The following DAG1 variants were observed in gnomAD, a reference collection of about 807,000 sequenced individuals.
DAG1 encodes dystroglycan 1.
Under a neutral mutation model 46.1 loss-of-function variants are expected in DAG1, and 8 were observed. That is an observed-to-expected ratio of 0.17 (90% CI 0.10 to 0.31). The LOEUF (loss-of-function observed/expected upper bound fraction) is 0.31. Among genes scored for constraint, DAG1 ranks in the 10% least tolerant of loss-of-function variants. The pLI is 1.00. For missense variants in DAG1, 1,003 were observed against 1,189.9 expected (o/e 0.84, Z 2.31); for synonymous variants, 495 against 481.8 (o/e 1.03, Z -0.36).
chr3:49,522,143 C>G (rs1349549880), intron 2 of DAG1, among the ~76,000 whole-genome samples: 1 of 152,164 alleles, frequency 6.6e-6, no homozygotes, highest in Non-Finnish European at 1.5e-5. Flanking sequence ...AATTCTCCTG[C>G]CTCAGCCTCC....
chr3:49,500,474 TGG>T lies in DAG1; in HGVS notation c.-116-9942_-116-9941del, dbSNP rs568982389. Among the ~76,000 whole-genome samples the T allele has an allele frequency of 4.3e-3, 656 of 152,280 alleles. 7 individuals carry two copies. The highest frequency in any genetic ancestry group is 0.015 in the African/African-American group (625 of 41,560). ...TTTATCTGCAGTGAGTCTCAGGGTC[TGG>T]GGTCTGGGGCAGTGCTGAGAGCTTA... On this transcript the variant is annotated intron_variant, in intron 1 of 2. Transcript: ENST00000308775.
At chr3:49,509,431 C>T (rs78407378) in intron 1 of DAG1, among the ~76,000 whole-genome samples, 3,025 of 152,282 alleles carry the variant, frequency 0.02, 54 homozygotes, top group Middle Eastern at 0.058. Flanking sequence ...TCCCCTACCC[C>T]TAGAAAGATA....
Position 49,516,852 on chromosome 3 carries a change from G to A in DAG1, c.285+6033G>A, listed in dbSNP as rs139634878. ...TGCTAGGTGAGTTCATTGCCACTGG[G>A]ATTTCCTTGCTTCTTTGAGCCGTTC... On this transcript the variant is annotated intron_variant, in intron 2 of 2. Coordinates refer to ENST00000308775, the MANE Select transcript of DAG1 (RefSeq NM_004393.6). Among the ~76,000 whole-genome samples the A allele has an allele frequency of 6.9e-3, 1,055 of 152,188 alleles. 4 individuals carry two copies. Among genetic ancestry groups the A allele is most frequent in the Middle Eastern group, 0.034 (10 of 294 alleles).
rs1015740531 is a variant in DAG1, at chr3:49,535,087, G to T, written c.*1888G>T. ...CCCAGGGGGTACTCTGGAGTGAGCA[G>T]TGCCCCTGTGGGGGAGCCTGTAAAT... On this transcript the variant is annotated 3_prime_UTR_variant, in exon 3 of 3. Coordinates refer to ENST00000308775, the MANE Select transcript of DAG1 (RefSeq NM_004393.6). The T allele has an allele frequency of 2.6e-5, 4 of 152,216 alleles. No individual in the cohort carries two copies. The highest frequency in any genetic ancestry group is 7.2e-5 in the African/African-American group (3 of 41,450). 9.4% of individuals were successfully genotyped at this position (152,216 alleles called of 1,614,324 possible).
At chr3:49,478,376 C>T (rs1476073192) in intron 1 of DAG1, among the ~76,000 whole-genome samples, 1 of 133,018 alleles carries the variant, frequency 7.5e-6, no homozygotes. Context: ...GGGAGGATTA[C>T]TTGAAGCCAG....
At position 49,518,110 on chromosome 3, in the gene DAG1, G is replaced by A. The variant is rs1186085997; in HGVS notation, c.285+7291G>A. Among the ~76,000 whole-genome samples the A allele has an allele frequency of 2.0e-5, 3 of 152,302 alleles. No individual in the cohort carries two copies. In the East Asian group the frequency reaches 5.8e-4, roughly 29 times the overall value. On this transcript the variant is annotated intron_variant, in intron 2 of 2. Transcript: ENST00000308775. Reference sequence around the variant, plus strand: ...ACTGAGGTAGGAGGTACTGAGCCTGGCCTGCTTCCTCCTAAGCCCCATGTG... The same window carrying A: ...ACTGAGGTAGGAGGTACTGAGCCTGACCTGCTTCCTCCTAAGCCCCATGTG...
intron 1 of DAG1, chr3:49,492,707 C>G (rs2050220278): frequency 6.6e-6 from 1 of 152,008 alleles, no homozygotes; most frequent in African/African-American, 2.4e-5. Flanking sequence ...CAAAAGGGTG[C>G]TGTTATAATT....
intron 1 of DAG1, chr3:49,476,842 C>G (rs1273105468): frequency 6.6e-6 from 1 of 152,070 alleles, no homozygotes; most frequent in Non-Finnish European, 1.5e-5. Context: ...TCCTCCTTTT[C>G]CTGCAGGGCC....
intron 1 of DAG1, among the ~76,000 whole-genome samples, chr3:49,473,288 G>C (rs1235335549): frequency 3.3e-5 from 5 of 151,152 alleles, no homozygotes; most frequent in Admixed American, 1.3e-4. Flanking sequence ...GGTGGCGGGC[G>C]CCTGTAGTCC....
At position 49,531,071 on chromosome 3, in the gene DAG1, C is replaced by G; in HGVS notation, c.560C>G (p.Pro187Arg). Residue 187 changes from proline to arginine, a missense_variant, in exon 3 of 3, where the codon CCT (proline) becomes CGT (arginine). By Grantham distance (103) the Pro-to-Arg change is moderately radical. Coordinates refer to ENST00000308775, the MANE Select transcript of DAG1 (RefSeq NM_004393.6). The surrounding 1 kb of genome is among the most constrained non-coding windows in gnomAD (Gnocchi z 7.0). ...TCATCTGCCTGTGCTGCGGATGAAC[C>G]TGTGACTGTTTTGACGGTGATTTTG... ...VVSSACAADE[P>R]VTVLTVILDA... 1 of 1,614,196 alleles carries G rather than the reference C, an allele frequency of 6.2e-7. No individual in the cohort carries two copies. Among genetic ancestry groups the G allele is most frequent in the Non-Finnish European group, 8.5e-7 (1 of 1,180,014 alleles).
intron 1 of DAG1, among the ~76,000 whole-genome samples, chr3:49,506,093 C>T (rs1306264184): frequency 6.6e-6 from 1 of 151,674 alleles, no homozygotes; most frequent in Non-Finnish European, 1.5e-5. Context: ...GATTCTCCTG[C>T]CTCAGCCTCC....
At chr3:49,515,089 C>T (rs1346124810) in intron 2 of DAG1, among the ~76,000 whole-genome samples, 3 of 152,128 alleles carry the variant, frequency 2.0e-5, no homozygotes, top group Non-Finnish European at 4.4e-5. Flanking sequence ...CCACCTTGGC[C>T]TCCCAAAGTG....
intron 1 of DAG1, among the ~76,000 whole-genome samples, chr3:49,497,049 C>T (rs2050332183): frequency 6.6e-6 from 1 of 151,810 alleles, no homozygotes; most frequent in Non-Finnish European, 1.5e-5. Context: ...CCTATAGTCC[C>T]AGTGCTAGAG....
intron 1 of DAG1, among the ~76,000 whole-genome samples, chr3:49,507,214 A>G (rs1053457247): frequency 6.6e-6 from 1 of 152,100 alleles, no homozygotes; most frequent in Non-Finnish European, 1.5e-5. Context: ...GATTGGTAGA[A>G]CTTACCGCTG....
intron 1 of DAG1, among the ~76,000 whole-genome samples, chr3:49,486,597 G>T (rs1224717376): frequency 6.6e-6 from 1 of 152,044 alleles, no homozygotes; most frequent in Non-Finnish European, 1.5e-5. Flanking sequence ...CCACCTCGTG[G>T]GTTCAAGTGA....
At chr3:49,485,717 A>G (rs1399563478) in intron 1 of DAG1, among the ~76,000 whole-genome samples, 3 of 136,436 alleles carry the variant, frequency 2.2e-5, no homozygotes, top group South Asian at 2.3e-4. Flanking sequence ...GCTAGAGTGC[A>G]GTGGCATGAT....
At chr3:49,508,562 CTAAT>C (rs2050674144) in intron 1 of DAG1, among the ~76,000 whole-genome samples, 1 of 152,120 alleles carries the variant, frequency 6.6e-6, no homozygotes, top group African/African-American at 2.4e-5. Flanking sequence ...CCACGCCTGG[CTAAT>C]TTTTTGTATT....
At chr3:49,497,319 C>T (rs944527358) in intron 1 of DAG1, among the ~76,000 whole-genome samples, 8 of 151,928 alleles carry the variant, frequency 5.3e-5, no homozygotes, top group Admixed American at 4.6e-4. Flanking sequence ...CACCTATAAT[C>T]CCAGCTACTG....
At chr3:49,482,054 A>G (rs2049896159) in intron 1 of DAG1, among the ~76,000 whole-genome samples, 1 of 152,214 alleles carries the variant, frequency 6.6e-6, no homozygotes, top group South Asian at 2.1e-4. Context: ...TAAGTAATCC[A>G]GGGATGTTTA....
Sources: gnomAD v4.1 joint callset for allele counts (sites outside exome capture counted in the v4.1 genomes callset) on GRCh38, gnomAD v4.1.1 for gene constraint, Gnocchi (gnomAD v3.1) non-coding constraint, MANE v1.5 for transcripts, NCBI Gene and HGNC (gene_info 2026-07-23, HGNC 2026-07-21) for gene names.